AFG2A: variants seen among roughly 807,000 people sequenced by gnomAD.
AFG2A encodes AAA ATPase AFG2A.
the AFG2A span, among the ~76,000 whole-genome samples, chr4:123,302,515 T>C: frequency 6.6e-6 from 1 of 151,094 alleles, no homozygotes; most frequent in South Asian, 2.1e-4. Flanking sequence ...TATGCGTGTG[T>C]ATTTTTTTTT....
the AFG2A span, among the ~76,000 whole-genome samples, chr4:123,223,535 C>A: frequency 6.6e-6 from 1 of 152,212 alleles, no homozygotes; most frequent in East Asian, 1.9e-4. Context: ...TGGCAGAAGG[C>A]AAAGGGGAAG....
the AFG2A span, among the ~76,000 whole-genome samples, chr4:123,242,657 C>T: frequency 1.3e-5 from 2 of 152,260 alleles, no homozygotes; most frequent in East Asian, 1.9e-4. Flanking sequence ...TAGAAGAAAA[C>T]GTAGGCAGTA....
chr4:123,244,664 T>C, the AFG2A span, among the ~76,000 whole-genome samples: 1 of 152,260 alleles, frequency 6.6e-6, no homozygotes, highest in South Asian at 2.1e-4. Flanking sequence ...TCATCCATTC[T>C]TTGTAGTATA....
At chr4:123,075,540 TC>T in the AFG2A span, among the ~76,000 whole-genome samples, 5 of 152,148 alleles carry the variant, frequency 3.3e-5, no homozygotes, top group Non-Finnish European at 7.4e-5. Flanking sequence ...CCTCAAGTGA[TC>T]CACCTGCTTC....
the AFG2A span, among the ~76,000 whole-genome samples, chr4:123,019,454 AC>A: frequency 2.0e-5 from 3 of 152,164 alleles, no homozygotes; most frequent in African/African-American, 7.2e-5. Flanking sequence ...CAAAATATTA[AC>A]AAGGATTACT....
chr4:123,316,868 G>A, the AFG2A span: 1 of 152,210 alleles, frequency 6.6e-6, no homozygotes, highest in South Asian at 2.1e-4. Context: ...CTGCTGGCCA[G>A]GAAGACCACA....
chr4:123,031,142 G>A, the AFG2A span, among the ~76,000 whole-genome samples: 6 of 152,054 alleles, frequency 3.9e-5, no homozygotes, highest in Non-Finnish European at 8.8e-5. Flanking sequence ...AAGAAGTTGG[G>A]AATTCATACT....
At chr4:122,931,814 G>T in the AFG2A span, among the ~76,000 whole-genome samples, 1 of 152,032 alleles carries the variant, frequency 6.6e-6, no homozygotes, top group Admixed American at 6.5e-5. Context: ...ATGGGTGTTG[G>T]GTCACCCAAA....
At chr4:123,185,263 G>C in the AFG2A span, among the ~76,000 whole-genome samples, 1 of 151,968 alleles carries the variant, frequency 6.6e-6, no homozygotes, top group Non-Finnish European at 1.5e-5. Flanking sequence ...TATCTCATAT[G>C]AGGTAGATGT....
At chr4:122,937,740 A>G in the AFG2A span, among the ~76,000 whole-genome samples, 1 of 152,200 alleles carries the variant, frequency 6.6e-6, no homozygotes, top group African/African-American at 2.4e-5. Context: ...TAAAAATAAC[A>G]GGGCATTTCT....
chr4:123,090,220 C>T, the AFG2A span, among the ~76,000 whole-genome samples: 1 of 152,164 alleles, frequency 6.6e-6, no homozygotes, highest in Non-Finnish European at 1.5e-5. Flanking sequence ...ATTCTAATTT[C>T]TGTCAACATA....
chr4:123,311,258 A>G, the AFG2A span, among the ~76,000 whole-genome samples: 30 of 152,192 alleles, frequency 2.0e-4, no homozygotes, highest in Admixed American at 2.6e-4. Flanking sequence ...TTCTCTGACC[A>G]TAACTGATCA....
chr4:123,234,684 T>C, the AFG2A span, among the ~76,000 whole-genome samples: 4 of 152,272 alleles, frequency 2.6e-5, no homozygotes, highest in East Asian at 5.8e-4. Context: ...AAATTATTCT[T>C]ATCCCCATAA....
the AFG2A span, among the ~76,000 whole-genome samples, chr4:123,031,800 G>A: frequency 6.6e-6 from 1 of 152,180 alleles, no homozygotes; most frequent in East Asian, 1.9e-4. Flanking sequence ...CTTCCTCTAT[G>A]CATCTTTTCT....
the AFG2A span, among the ~76,000 whole-genome samples, chr4:122,965,319 A>T: frequency 2.6e-5 from 4 of 152,196 alleles, no homozygotes; most frequent in Non-Finnish European, 4.4e-5. Flanking sequence ...TGGGGACAAG[A>T]TGATGTTTGT....
chr4:123,020,804 T>C, the AFG2A span, among the ~76,000 whole-genome samples: 601 of 152,332 alleles, frequency 3.9e-3, 1 homozygote, highest in African/African-American at 0.013. Flanking sequence ...TTTTCTGTCA[T>C]ACAGAGTGTT....
chr4:123,290,621 G>C, the AFG2A span, among the ~76,000 whole-genome samples: 3 of 152,194 alleles, frequency 2.0e-5, no homozygotes, highest in African/African-American at 7.2e-5. Flanking sequence ...TCACAATCAT[G>C]GTGGAAGGCA....
the AFG2A span, among the ~76,000 whole-genome samples, chr4:122,942,578 A>G: frequency 1.2e-3 from 184 of 152,270 alleles, no homozygotes; most frequent in African/African-American, 4.4e-3. Context: ...TCCTTCCAAA[A>G]AACCAGCTCC....
the AFG2A span, among the ~76,000 whole-genome samples, chr4:123,119,679 A>C: frequency 6.6e-6 from 1 of 152,158 alleles, no homozygotes; most frequent in Non-Finnish European, 1.5e-5. Context: ...ATGAAGGTTC[A>C]GTTTAGATAG....
Sources: allele counts gnomAD v4.1 joint callset (sites outside exome capture counted in the v4.1 genomes callset), GRCh38; gene constraint gnomAD v4.1.1; transcripts MANE v1.5; gene names NCBI Gene and HGNC (gene_info 2026-07-23, HGNC 2026-07-21).